ANTXR1: variants seen among roughly 807,000 people sequenced by gnomAD.
ANTXR1 encodes the protein anthrax toxin receptor 1.
ANTXR1 carries 19 observed loss-of-function variants against 78.1 expected under a neutral mutation model. That is an observed-to-expected ratio of 0.24 (90% CI 0.17 to 0.36). The LOEUF is 0.36. Ranked by LOEUF, ANTXR1 falls within the 10% of genes least tolerant of loss-of-function variation. The pLI, the probability that ANTXR1 is intolerant of heterozygous loss-of-function variation, is 1.00. For synonymous variants in ANTXR1, 273 were observed against 260.5 expected (o/e 1.05, Z -0.46); for missense variants, 518 against 718.6 (o/e 0.72, Z 3.19).
At chr2:69,098,582 T>G (rs1671504131) in intron 9 of ANTXR1, among the ~76,000 whole-genome samples, 1 of 152,144 alleles carries the variant, frequency 6.6e-6, no homozygotes, top group Non-Finnish European at 1.5e-5. Flanking sequence ...ACCAAAGAAA[T>G]AAAAGGAGAG....
intron 8 of ANTXR1, 102 bp downstream of exon 8, chr2:69,077,590 GC>G: frequency 8.0e-7 from 1 of 1,243,558 alleles, no homozygotes; most frequent in Non-Finnish European, 1.2e-6. Flanking sequence ...GTGTTTTTCT[GC>G]TTAAGAGAAC....
chr2:69,067,560 T>A (rs1670437325), intron 3 of ANTXR1, among the ~76,000 whole-genome samples: 1 of 150,878 alleles, frequency 6.6e-6, no homozygotes, highest in Non-Finnish European at 1.5e-5. Context: ...AAGAATTAGA[T>A]CATATTTACT....
chr2:69,080,438 G>C (rs1670868463), intron 8 of ANTXR1, among the ~76,000 whole-genome samples: 1 of 152,186 alleles, frequency 6.6e-6, no homozygotes, highest in African/African-American at 2.4e-5. Flanking sequence ...TAAGATTGCA[G>C]AGCAGCTTCT....
rs116392380 is a variant in ANTXR1, at chr2:69,114,492, C to A, written c.803-8525C>A. Among the ~76,000 whole-genome samples, 1,414 of 152,292 alleles carry A rather than the reference C, an allele frequency of 9.3e-3. 22 individuals are homozygous for A. The highest frequency in any genetic ancestry group is 0.032 in the African/African-American group (1,345 of 41,554). On this transcript the variant is annotated intron_variant, in intron 10 of 17. Transcript: ENST00000303714. ...TGGGAATGGACTCATGGTCCCTCAC[C>A]TTTTACTTCCTCTCCATCTGGGGCT...
chr2:69,200,616 C>A (rs1036093581), intron 17 of ANTXR1, among the ~76,000 whole-genome samples: 2 of 152,170 alleles, frequency 1.3e-5, no homozygotes, highest in African/African-American at 4.8e-5. Flanking sequence ...CTGTTCACTG[C>A]CAATTTCTAA....
intron 16 of ANTXR1, among the ~76,000 whole-genome samples, chr2:69,189,699 G>T (rs924810760): frequency 6.6e-6 from 1 of 152,198 alleles, no homozygotes; most frequent in Non-Finnish European, 1.5e-5. Context: ...ACATTAACGA[G>T]ACACGGTTGA....
chr2:69,026,176 T>C (rs1671337901), intron 1 of ANTXR1, among the ~76,000 whole-genome samples: 1 of 152,236 alleles, frequency 6.6e-6, no homozygotes. Flanking sequence ...TGTTGCCTAA[T>C]GGTTAAGAGC....
Position 69,092,187 on chromosome 2 carries a change from C to G in ANTXR1, c.703+1268C>G, listed in dbSNP as rs189018794. 1.6e-3 allele frequency among the ~76,000 whole-genome samples: 242 copies of G among 152,236 alleles called. 1 individual carries two copies. The highest frequency in any genetic ancestry group is 5.5e-3 in the African/African-American group (227 of 41,536). On this transcript the variant is annotated intron_variant, in intron 9 of 17. Coordinates refer to ENST00000303714, the MANE Select transcript of ANTXR1 (RefSeq NM_032208.3). ...TCATACAACCTGATAAGGTAGGAAG[C>G]ATTAAAGGAAGAACTTTCAGGCCTC...
At chr2:69,016,636 G>A (rs933830570) in intron 1 of ANTXR1, among the ~76,000 whole-genome samples, 14 of 152,110 alleles carry the variant, frequency 9.2e-5, no homozygotes, top group Non-Finnish European at 1.9e-4. Context: ...CGTCATCTGC[G>A]TTATGATTCC....
At chr2:69,089,320 G>C (rs1671153316) in intron 8 of ANTXR1, among the ~76,000 whole-genome samples, 1 of 152,152 alleles carries the variant, frequency 6.6e-6, no homozygotes. Flanking sequence ...AAGCATGTTT[G>C]TTCATTTTCT....
intron 17 of ANTXR1, among the ~76,000 whole-genome samples, chr2:69,237,648 T>C (rs1236350676): frequency 6.6e-6 from 1 of 152,206 alleles, no homozygotes; most frequent in Non-Finnish European, 1.5e-5. Context: ...CTCTAACTCC[T>C]GGGCTAAAGT....
intron 10 of ANTXR1, among the ~76,000 whole-genome samples, chr2:69,116,695 G>A (rs759483038): frequency 7.9e-5 from 12 of 152,056 alleles, no homozygotes; most frequent in Non-Finnish European, 1.2e-4. Flanking sequence ...GCTCTGCTTC[G>A]GGCTTACATC....
chr2:69,129,213 G>T (rs1672645425), intron 12 of ANTXR1, among the ~76,000 whole-genome samples: 1 of 152,182 alleles, frequency 6.6e-6, no homozygotes, highest in African/African-American at 2.4e-5. Flanking sequence ...ATATAGTGCT[G>T]CTTTCAGTAA....
intron 12 of ANTXR1, among the ~76,000 whole-genome samples, chr2:69,138,865 A>G (rs1672992022): frequency 1.3e-5 from 2 of 152,230 alleles, no homozygotes; most frequent in African/African-American, 4.8e-5. Context: ...AGGAAATATG[A>G]AAGAGCAATT....
Position 69,058,533 on chromosome 2 carries a change from G to GA in ANTXR1, c.297-12103dup, listed in dbSNP as rs35594191. On this transcript the variant is annotated intron_variant, in intron 3 of 17. Coordinates refer to ENST00000303714, the MANE Select transcript of ANTXR1 (RefSeq NM_032208.3). ...AGCCCACTCTTGAGACCTACTTCTT[G>GA]AAAAAAAAAAATCATTCTTTTCAAA... is the stretch of plus-strand genomic sequence containing the variant. Among the ~76,000 whole-genome samples the GA allele has an allele frequency of 8.6e-3, 1,286 of 148,838 alleles. 17 individuals are homozygous for GA. Among genetic ancestry groups the GA allele is most frequent in the African/African-American group, 0.029 (1,187 of 41,236 alleles).
intron 1 of ANTXR1, among the ~76,000 whole-genome samples, chr2:69,030,663 A>G (rs1260766150): frequency 6.6e-6 from 1 of 152,204 alleles, no homozygotes; most frequent in East Asian, 1.9e-4. Context: ...TTCAAAATAT[A>G]TTTTGAACCC....
chr2:69,200,583 C>T (rs542437536), intron 17 of ANTXR1, among the ~76,000 whole-genome samples: 1 of 152,210 alleles, frequency 6.6e-6, no homozygotes, highest in Non-Finnish European at 1.5e-5. Context: ...TTTCTTCTAA[C>T]CCCTTTCCTT....
At chr2:69,121,685 TCTAGTTATAGGAA>T (rs1672351046) in intron 10 of ANTXR1, among the ~76,000 whole-genome samples, 1 of 152,238 alleles carries the variant, frequency 6.6e-6, no homozygotes, top group South Asian at 2.1e-4. Flanking sequence ...CTTTGTATCT[TCTAGTTATAGGAA>T]CTTGTAGTCA....
chr2:69,179,411 T>C (rs1432276321), intron 14 of ANTXR1, among the ~76,000 whole-genome samples: 2 of 151,782 alleles, frequency 1.3e-5, no homozygotes, highest in Middle Eastern at 3.4e-3. Context: ...GCTGGGTGCA[T>C]TGATATGTGT....
Sources: allele counts gnomAD v4.1 joint callset (sites outside exome capture counted in the v4.1 genomes callset), GRCh38; gene constraint gnomAD v4.1.1; transcripts MANE v1.5; gene names NCBI Gene and HGNC (gene_info 2026-07-23, HGNC 2026-07-21).